KLF12: variants seen among roughly 807,000 people sequenced by gnomAD.
KLF12 encodes the protein Krueppel-like factor 12.
Under a neutral mutation model 37.8 loss-of-function variants are expected in KLF12, and 9 were observed. The ratio of observed to expected loss-of-function variants is 0.24; its 90% confidence interval spans 0.14 to 0.42. KLF12 has a LOEUF of 0.42. Ranked by LOEUF, KLF12 falls within the 10% of genes least tolerant of loss-of-function variation. The pLI is 1.00. For missense variants in KLF12, 411 were observed against 516.0 expected (o/e 0.80, Z 1.97); for synonymous variants, 208 against 202.1 (o/e 1.03, Z -0.25).
chr13:74,225,728 G>C, the KLF12 span, among the ~76,000 whole-genome samples: 5,617 of 152,146 alleles, frequency 0.037, 334 homozygotes, highest in African/African-American at 0.13. Flanking sequence ...CAAAAATAAA[G>C]GTAGAAACAA....
At chr13:74,134,665 G>A (rs116520913), upstream of KLF12, among the ~76,000 whole-genome samples, 1,236 of 152,200 alleles carry the variant, frequency 8.1e-3, 24 homozygotes, top group African/African-American at 0.029. Flanking sequence ...GTCGTCGGCC[G>A]AGGGGGCCCG....
At chr13:73,865,386 A>G (rs1035421842) in intron 3 of KLF12, among the ~76,000 whole-genome samples, 1 of 152,198 alleles carries the variant, frequency 6.6e-6, no homozygotes, top group African/African-American at 2.4e-5. Context: ...TTTGTATTAA[A>G]TCAACTCTCA....
chr13:74,002,218 A>G (rs1293926154), intron 1 of KLF12, among the ~76,000 whole-genome samples: 1 of 152,224 alleles, frequency 6.6e-6, no homozygotes, highest in Non-Finnish European at 1.5e-5. Flanking sequence ...GCTAGCTGTC[A>G]TAATACATAA....
chr13:74,010,376 T>C (rs901602492), intron 1 of KLF12, among the ~76,000 whole-genome samples: 1 of 152,170 alleles, frequency 6.6e-6, no homozygotes, highest in Non-Finnish European at 1.5e-5. Flanking sequence ...CGAACAATAA[T>C]TGCAGAGTTC....
At chr13:73,812,543 CA>C (rs144177077) in intron 5 of KLF12, among the ~76,000 whole-genome samples, 130 of 145,688 alleles carry the variant, frequency 8.9e-4, no homozygotes, top group African/African-American at 3.2e-3. Flanking sequence ...AATTATTCTA[CA>C]AAAAAAAACA....
At chr13:74,118,955 A>G (rs190717932) in intron 1 of KLF12, among the ~76,000 whole-genome samples, 1 of 152,350 alleles carries the variant, frequency 6.6e-6, no homozygotes, top group Admixed American at 6.5e-5. Context: ...AAGGAAGACA[A>G]TAATAATACA....
intron 1 of KLF12, among the ~76,000 whole-genome samples, chr13:74,125,527 T>TA (rs1281751449): frequency 6.6e-6 from 1 of 152,172 alleles, no homozygotes; most frequent in Non-Finnish European, 1.5e-5. Context: ...CATGTTCTAA[T>TA]AAAAATAACG....
intron 5 of KLF12, among the ~76,000 whole-genome samples, chr13:73,792,184 A>T (rs1566371040): frequency 6.6e-6 from 1 of 152,174 alleles, no homozygotes; most frequent in Non-Finnish European, 1.5e-5. Flanking sequence ...GTGAGTCCTA[A>T]CCCACCAATG....
At chr13:74,231,954 T>G in the KLF12 span, among the ~76,000 whole-genome samples, 1 of 152,196 alleles carries the variant, frequency 6.6e-6, no homozygotes, top group South Asian at 2.1e-4. Flanking sequence ...CTATTAAAAT[T>G]AGATATTCAA....
chr13:74,260,138 T>G, the KLF12 span, among the ~76,000 whole-genome samples: 3 of 151,480 alleles, frequency 2.0e-5, no homozygotes, highest in Non-Finnish European at 4.4e-5. Flanking sequence ...ACACACACAC[T>G]CACACACACA....
intron 3 of KLF12, among the ~76,000 whole-genome samples, chr13:73,865,706 T>A (rs1239710275): frequency 6.6e-6 from 1 of 151,790 alleles, no homozygotes; most frequent in Non-Finnish European, 1.5e-5. Context: ...ATTTTTAGAG[T>A]TATCCAACAT....
the KLF12 span, among the ~76,000 whole-genome samples, chr13:74,287,349 T>TGAGAGA: frequency 0.098 from 7,051 of 71,760 alleles, 768 homozygotes; most frequent in East Asian, 0.13. Context: ...CTATCAAAGT[T>TGAGAGA]GAGAGAGAGA....
chr13:74,032,006 T>G (rs1189361878), intron 1 of KLF12, among the ~76,000 whole-genome samples: 2 of 152,164 alleles, frequency 1.3e-5, no homozygotes, highest in Non-Finnish European at 2.9e-5. Flanking sequence ...GGCTACACCA[T>G]GTCCAAAGCC....
At chr13:73,932,385 G>T (rs1889725812) in intron 3 of KLF12, among the ~76,000 whole-genome samples, 1 of 152,130 alleles carries the variant, frequency 6.6e-6, no homozygotes, top group African/African-American at 2.4e-5. Flanking sequence ...TGATCACCTA[G>T]TAAGACATGA....
At chr13:74,202,377 G>C in the KLF12 span, among the ~76,000 whole-genome samples, 1 of 152,070 alleles carries the variant, frequency 6.6e-6, no homozygotes, top group African/African-American at 2.4e-5. Context: ...TCAAGGGATT[G>C]TTCAACCTTC....
chr13:74,123,269 G>GA (rs1448549636), intron 1 of KLF12, among the ~76,000 whole-genome samples: 2 of 152,192 alleles, frequency 1.3e-5, no homozygotes, highest in African/African-American at 4.8e-5. Context: ...GTTTTTGAAA[G>GA]AAAAAACTTA....
chr13:73,948,555 A>G (rs1008586236), intron 2 of KLF12, among the ~76,000 whole-genome samples: 1 of 152,196 alleles, frequency 6.6e-6, no homozygotes, highest in African/African-American at 2.4e-5. Context: ...AAGAGTGCCA[A>G]CTGGTTAAAA....
chr13:74,202,133 A>G, the KLF12 span, among the ~76,000 whole-genome samples: 1 of 152,178 alleles, frequency 6.6e-6, no homozygotes, highest in Non-Finnish European at 1.5e-5. Flanking sequence ...GAAAGATCTT[A>G]AGATCTTAAA....
At chr13:73,934,785 T>C (rs76303554) in intron 3 of KLF12, among the ~76,000 whole-genome samples, 12,097 of 152,042 alleles carry the variant, frequency 0.08, 657 homozygotes, top group Non-Finnish European at 0.12. Context: ...TTCAGCTTTT[T>C]TTCTTCAAAT....
Sources: gnomAD v4.1 joint callset for allele counts (sites outside exome capture counted in the v4.1 genomes callset) on GRCh38, gnomAD v4.1.1 for gene constraint, MANE v1.5 for transcripts, NCBI Gene and HGNC (gene_info 2026-07-23, HGNC 2026-07-21) for gene names.